The following RAB39A variants were observed in gnomAD, a reference collection of about 807,000 sequenced individuals.
The protein encoded by RAB39A is RAB39A, member RAS oncogene family, also known as ras-related protein Rab-39A.
RAB39A carries 17 observed loss-of-function variants against 20.9 expected under a neutral mutation model. The ratio of observed to expected loss-of-function variants is 0.81; its 90% CI spans 0.56 to 1.22. The LOEUF is 1.22. Ranked by LOEUF, RAB39A falls within the 50% of genes most tolerant of loss-of-function variation. The probability of loss-of-function intolerance (pLI) is 0.00; values close to 1 mark genes in which losing one functional copy is unlikely to be tolerated. For missense variants in RAB39A, 234 were observed against 270.5 expected (o/e 0.87, Z 0.95); for synonymous variants, 99 against 103.4 (o/e 0.96, Z 0.26).
rs1285061229 is a variant in RAB39A, at chr11:107,961,931, C to T, written c.228-15C>T. On this transcript the variant is annotated splice_polypyrimidine_tract_variant and intron_variant, in intron 1 of 1. Transcript: ENST00000320578. ...AAGTTGTCCTTATACAACCTTTTTTCTCTTCATTTTTCAGATCAATAACCC... is the reference window on the plus strand; with the variant it reads ...AAGTTGTCCTTATACAACCTTTTTTTTCTTCATTTTTCAGATCAATAACCC... The T allele has an allele frequency of 2.2e-5, 35 of 1,580,580 alleles. No individual in the cohort carries two copies. In the Admixed American group the frequency reaches 3.3e-4, roughly 15 times the overall value.
At chr11:107,946,396 ATGTGTGTGTGTGTGTG>A (rs71047654) in intron 1 of RAB39A, among the ~76,000 whole-genome samples, 10,735 of 37,346 alleles carry the variant, frequency 0.29, 1,766 homozygotes, top group Admixed American at 0.4. Flanking sequence ...GGGTGTATAT[ATGTGTGTGTGTGTGTG>A]TGTGTGTGTG....
At chr11:107,961,500 GC>G (rs1176813725) in intron 1 of RAB39A, among the ~76,000 whole-genome samples, 2 of 152,096 alleles carry the variant, frequency 1.3e-5, no homozygotes, top group Non-Finnish European at 2.9e-5. Flanking sequence ...CCATACTACA[GC>G]CCTTGTTTCT....
At chr11:107,942,446 G>A (rs1371935945) in intron 1 of RAB39A, among the ~76,000 whole-genome samples, 1 of 151,948 alleles carries the variant, frequency 6.6e-6, no homozygotes, top group Non-Finnish European at 1.5e-5. Context: ...TCATGCTGAA[G>A]TGCAGTGGTG....
chr11:107,929,607 AC>A (rs1158978127), intron 1 of RAB39A, among the ~76,000 whole-genome samples: 1 of 152,138 alleles, frequency 6.6e-6, no homozygotes, highest in Non-Finnish European at 1.5e-5. Context: ...TATGATCAGT[AC>A]TTAACGTTCC....
At chr11:107,952,410 G>A (rs894703596) in intron 1 of RAB39A, among the ~76,000 whole-genome samples, 4 of 152,032 alleles carry the variant, frequency 2.6e-5, no homozygotes, top group East Asian at 1.9e-4. Context: ...GTGAAACTCC[G>A]TCTCTACAAA....
At chr11:107,955,615 G>A (rs547506342) in intron 1 of RAB39A, among the ~76,000 whole-genome samples, 1 of 152,268 alleles carries the variant, frequency 6.6e-6, no homozygotes, top group African/African-American at 2.4e-5. Context: ...GAGGCAGGCG[G>A]ATCACCTGAG....
chr11:107,942,166 T>C (rs1377571888), intron 1 of RAB39A, among the ~76,000 whole-genome samples: 3 of 138,076 alleles, frequency 2.2e-5, no homozygotes, highest in Non-Finnish European at 4.7e-5. Flanking sequence ...AAAAAGATAA[T>C]CAAAAATGGA....
chr11:107,934,700 GT>G (rs1375101334), intron 1 of RAB39A, among the ~76,000 whole-genome samples: 1 of 151,540 alleles, frequency 6.6e-6, no homozygotes, highest in Non-Finnish European at 1.5e-5. Flanking sequence ...GCCAAGGCGA[GT>G]GGATCACCTG....
rs185032413 is a variant in RAB39A at position 107,938,073 on chromosome 11, A to C, written c.227+9278A>C. 1.2e-3 allele frequency among the ~76,000 whole-genome samples: 176 copies of C among 152,124 alleles called. 1 individual carries two copies. The highest frequency in any genetic ancestry group is 6.8e-3 in the Middle Eastern group (2 of 294). On this transcript the variant is annotated intron_variant, in intron 1 of 1. Transcript: ENST00000320578. ...GTTTGAGAGTAAAATGGTATATAAG[A>C]ATGAGATGGCCAGGCATGGTGGCTC...
At chr11:107,929,377 G>A (rs1810953335) in intron 1 of RAB39A, among the ~76,000 whole-genome samples, 1 of 152,202 alleles carries the variant, frequency 6.6e-6, no homozygotes, top group Admixed American at 6.5e-5. Flanking sequence ...AATGGTTTGG[G>A]CACCTCACAG....
intron 1 of RAB39A, among the ~76,000 whole-genome samples, chr11:107,941,387 A>G (rs1861257302): frequency 6.6e-6 from 1 of 152,170 alleles, no homozygotes; most frequent in Non-Finnish European, 1.5e-5. Flanking sequence ...TTAGGAATAT[A>G]TTTGAGGACC....
At chr11:107,936,367 C>G (rs1861194661) in intron 1 of RAB39A, among the ~76,000 whole-genome samples, 1 of 151,324 alleles carries the variant, frequency 6.6e-6, no homozygotes, top group Non-Finnish European at 1.5e-5. Context: ...TTTAATGTGT[C>G]TCTTACTCTT....
chr11:107,943,450 A>C lies in RAB39A; in HGVS notation c.227+14655A>C, dbSNP rs867931265. On this transcript the variant is annotated intron_variant, in intron 1 of 1. Transcript: ENST00000320578. The stretch of plus-strand genomic sequence containing the variant: ...GCCAGGTGTGGTGGCGAGTGCCTGT[A>C]GTCCCAGCTACTCGGGAGGCTGAGG... 5.3e-5 allele frequency among the ~76,000 whole-genome samples: 8 copies of C among 152,016 alleles called. No individual in the cohort carries two copies. In the South Asian group the frequency reaches 1.2e-3, roughly 24 times the overall value.
At position 107,929,655 on chromosome 11, in the gene RAB39A, C is replaced by G. The variant is rs574393233; in HGVS notation, c.227+860C>G. 4.6e-5 allele frequency among the ~76,000 whole-genome samples: 7 copies of G among 152,206 alleles called. 1 individual carries two copies. The highest frequency in any genetic ancestry group is 4.6e-4 in the Admixed American group (7 of 15,284). ...ATTTCTAAAGACAGAAGGAGGGATC[C>G]AAATGAATAGTCTCCTCCTAAATAT... On this transcript the variant is annotated intron_variant, in intron 1 of 1. Coordinates refer to ENST00000320578, the MANE Select transcript of RAB39A (RefSeq NM_017516.3).
At chr11:107,935,577 T>C (rs1347646939) in intron 1 of RAB39A, among the ~76,000 whole-genome samples, 2 of 152,202 alleles carry the variant, frequency 1.3e-5, no homozygotes, top group East Asian at 1.9e-4. Context: ...GGTTTCACTT[T>C]GTTAGCCAGG....
chr11:107,959,127 A>G (rs1356388897), intron 1 of RAB39A, among the ~76,000 whole-genome samples: 4 of 152,282 alleles, frequency 2.6e-5, no homozygotes, highest in East Asian at 3.8e-4. Context: ...TCTCAAAAAA[A>G]AAAAGAAAAG....
Position 107,956,531 on chromosome 11 carries a change from G to A in RAB39A, c.228-5415G>A, listed in dbSNP as rs113874833. ...CAGAGCAGCCATTTGTCCTTCTATG[G>A]AGTGATTAGTAAGAGGGTTAAAATG... On this transcript the variant is annotated intron_variant, in intron 1 of 1. Coordinates refer to ENST00000320578, the MANE Select transcript of RAB39A (RefSeq NM_017516.3). Among the ~76,000 whole-genome samples the A allele has an allele frequency of 9.3e-3, 1,418 of 152,318 alleles. 19 individuals are homozygous for A. The highest frequency in any genetic ancestry group is 0.031 in the African/African-American group (1,293 of 41,572).
rs775764859 is a variant in RAB39A, at chr11:107,962,382, T to G, written c.*10T>G. ...AGAATGCTTCTGCTGACTTCAAACA[T>G]GCTGAAGAACTAACAGGAACAGATT... On this transcript the variant is annotated 3_prime_UTR_variant, in exon 2 of 2. Coordinates refer to ENST00000320578, the MANE Select transcript of RAB39A (RefSeq NM_017516.3). 2 of 1,586,096 alleles carry G rather than the reference T, an allele frequency of 1.3e-6. No individual in the cohort carries two copies. The highest frequency in any genetic ancestry group is 8.6e-7 in the Non-Finnish European group (1 of 1,162,470).
intron 1 of RAB39A, among the ~76,000 whole-genome samples, chr11:107,947,981 T>TACAC (rs58579239): frequency 0.25 from 37,773 of 148,562 alleles, 5,079 homozygotes; most frequent in South Asian, 0.32. Flanking sequence ...TACACACACG[T>TACAC]ACACACACAC....
Sources: allele counts gnomAD v4.1 joint callset (sites outside exome capture counted in the v4.1 genomes callset), GRCh38; gene constraint gnomAD v4.1.1; transcripts MANE v1.5; gene names NCBI Gene and HGNC (gene_info 2026-07-23, HGNC 2026-07-21).